RASGRP1: variants seen among roughly 807,000 people sequenced by gnomAD.
RASGRP1 encodes the protein RAS guanyl-releasing protein 1.
RASGRP1 carries 37 observed loss-of-function variants against 95.1 expected under a neutral mutation model. The observed-to-expected ratio is 0.39, with a 90% confidence interval of 0.30 to 0.51. The LOEUF (loss-of-function observed/expected upper bound fraction) is 0.51. Among genes scored for constraint, RASGRP1 ranks in the 20% least tolerant of loss-of-function variants. The pLI is 0.80. For missense variants in RASGRP1, 711 were observed against 965.4 expected, an observed-to-expected ratio of 0.74 and a Z score of 3.49; for synonymous variants, 325 against 353.4, an observed-to-expected ratio of 0.92 and a Z score of 0.90.
At chr15:38,519,228 G>T (rs930790723) in intron 4 of RASGRP1, 81 bp downstream of exon 4, 49 of 1,210,080 alleles carry the variant, frequency 4.0e-5, no homozygotes, top group Non-Finnish European at 5.6e-5. Flanking sequence ...ATAGAGGTCA[G>T]GAAAGGCAGG....
chr15:38,534,541 C>A (rs1892565025), intron 2 of RASGRP1: 1 of 152,216 alleles, frequency 6.6e-6, no homozygotes. Context: ...AATACACAAG[C>A]TTTAAATTAA....
At position 38,519,388 on chromosome 15, in the gene RASGRP1, G is replaced by A. The variant is rs1566922488; in HGVS notation, c.327-17C>T. ...TCCTTATAGGTAGGGCTGTGGTTAAGGGAAATGGAGACCTCTGTTACAGAA... is the reference window on the plus strand; with the variant it reads ...TCCTTATAGGTAGGGCTGTGGTTAAAGGAAATGGAGACCTCTGTTACAGAA... On this transcript the variant is annotated splice_polypyrimidine_tract_variant and intron_variant, in intron 3 of 16. Coordinates refer to ENST00000310803, the MANE Select transcript of RASGRP1 (RefSeq NM_005739.4). 1.3e-6 allele frequency: 2 copies of A among 1,493,072 alleles called. No individual in the cohort carries two copies. Among genetic ancestry groups the A allele is most frequent in the Admixed American group, 1.8e-5 (1 of 56,652 alleles). 92.5% of individuals were successfully genotyped at this position (1,493,072 alleles called of 1,614,324 possible).
At chr15:38,533,123 A>G (rs1288850632) in intron 2 of RASGRP1, among the ~76,000 whole-genome samples, 1 of 152,196 alleles carries the variant, frequency 6.6e-6, no homozygotes, top group Non-Finnish European at 1.5e-5. Context: ...GTGTGAAGGT[A>G]TTTTGAGTGT....
At chr15:38,552,272 G>C (rs2141186332) in intron 2 of RASGRP1, among the ~76,000 whole-genome samples, 1 of 152,238 alleles carries the variant, frequency 6.6e-6, no homozygotes, top group African/African-American at 2.4e-5. Flanking sequence ...AAGATACATA[G>C]ATGAAAGCAA....
chr15:38,507,822 C>A lies in RASGRP1; in HGVS notation c.1146G>T (p.Lys382Asn). The A allele has an allele frequency of 6.2e-7, 1 of 1,613,236 alleles. No homozygotes were observed. The highest frequency in any genetic ancestry group is 8.5e-7 in the Non-Finnish European group (1 of 1,179,716). The change falls in exon 9 of 17, where the codon AAG (lysine) becomes AAT (asparagine). Residue 382 changes from lysine (K) to asparagine (N), a missense_variant. By Grantham distance (94) the Lys-to-Asn change is moderately conservative (BLOSUM62 0). Transcript: ENST00000310803. ...YLEDGKVNVH[K>N]LLALYNHISE... Reference sequence around the variant, plus strand: ...TGATATGATTGTATAGGGCCAGTAGCTTATGGACGTTCACTTTCCCGTCCT... The same window carrying A: ...TGATATGATTGTATAGGGCCAGTAGATTATGGACGTTCACTTTCCCGTCCT...
At chr15:38,497,770 T>G (rs1159733451) in intron 15 of RASGRP1, among the ~76,000 whole-genome samples, 1 of 152,224 alleles carries the variant, frequency 6.6e-6, no homozygotes, top group Non-Finnish European at 1.5e-5. Context: ...ATACTCAAAG[T>G]CATTTCCTTA....
chr15:38,539,887 C>G (rs1892799535), intron 2 of RASGRP1, among the ~76,000 whole-genome samples: 2 of 152,112 alleles, frequency 1.3e-5, no homozygotes, highest in African/African-American at 2.4e-5. Context: ...CATGTCCCTA[C>G]AAAGGACATG....
intron 3 of RASGRP1, among the ~76,000 whole-genome samples, chr15:38,521,526 G>A (rs569791193): frequency 3.3e-5 from 5 of 152,280 alleles, no homozygotes; most frequent in African/African-American, 1.2e-4. Flanking sequence ...GAGCCCCTAT[G>A]CCATGGCAAA....
chr15:38,497,280 C>T (rs1247965534), intron 15 of RASGRP1, among the ~76,000 whole-genome samples: 1 of 152,150 alleles, frequency 6.6e-6, no homozygotes, highest in African/African-American at 2.4e-5. Flanking sequence ...CTTCATGTTA[C>T]CCTTTTTTAA....
At chr15:38,549,915 T>C (rs1893261269) in intron 2 of RASGRP1, among the ~76,000 whole-genome samples, 1 of 152,128 alleles carries the variant, frequency 6.6e-6, no homozygotes, top group Non-Finnish European at 1.5e-5. Flanking sequence ...TACCAAATCT[T>C]TGTGCTTCTG....
chr15:38,500,532 G>C (rs1386451499), intron 13 of RASGRP1, among the ~76,000 whole-genome samples: 1 of 151,884 alleles, frequency 6.6e-6, no homozygotes, highest in Admixed American at 6.6e-5. Context: ...TTTTAGTAGA[G>C]ACGGGTTTTC....
At chr15:38,511,806 C>T (rs947251038) in intron 7 of RASGRP1, 86 bp from the exon 8 acceptor site, 22 of 950,468 alleles carry the variant, frequency 2.3e-5, no homozygotes, top group Middle Eastern at 2.3e-4. Flanking sequence ...GTCTCTGTGC[C>T]GTGAGTCTCC....
At chr15:38,548,298 C>A (rs562705577) in intron 2 of RASGRP1, among the ~76,000 whole-genome samples, 1 of 152,178 alleles carries the variant, frequency 6.6e-6, no homozygotes, top group African/African-American at 2.4e-5. Flanking sequence ...TGCAGTGGCT[C>A]ATGCCTGTAA....
intron 5 of RASGRP1, among the ~76,000 whole-genome samples, chr15:38,517,465 C>T (rs554537613): frequency 1.3e-5 from 2 of 152,246 alleles, no homozygotes; most frequent in South Asian, 2.1e-4. Context: ...ATTTGGGGCT[C>T]TGGAATGTAA....
intron 2 of RASGRP1, among the ~76,000 whole-genome samples, chr15:38,526,673 G>C (rs914098492): frequency 6.6e-6 from 1 of 152,148 alleles, no homozygotes; most frequent in African/African-American, 2.4e-5. Flanking sequence ...CAGCACACTT[G>C]AGTCTCACTG....
intron 14 of RASGRP1, among the ~76,000 whole-genome samples, 189 bp downstream of exon 14, chr15:38,499,914 T>A (rs541846773): frequency 6.6e-6 from 1 of 152,286 alleles, no homozygotes; most frequent in African/African-American, 2.4e-5. Flanking sequence ...CCTGCCAGCA[T>A]GTGAAGAAGG....
chr15:38,532,379 G>T (rs1325234714), intron 2 of RASGRP1, among the ~76,000 whole-genome samples: 1 of 152,208 alleles, frequency 6.6e-6, no homozygotes, highest in Non-Finnish European at 1.5e-5. Context: ...GGGGAGTAAT[G>T]TAAGCTGCTA....
chr15:38,515,906 A>T (rs111560626), intron 6 of RASGRP1, among the ~76,000 whole-genome samples: 5 of 123,344 alleles, frequency 4.1e-5, no homozygotes, highest in Non-Finnish European at 7.6e-5. Flanking sequence ...AGAGAGAGAG[A>T]GAGAGTGTGT....
chr15:38,557,634 T>C (rs1204197026), intron 2 of RASGRP1, among the ~76,000 whole-genome samples: 1 of 151,108 alleles, frequency 6.6e-6, no homozygotes. Flanking sequence ...TGTGTGTATA[T>C]ATATATATAT....
Sources: allele counts gnomAD v4.1 joint callset (sites outside exome capture counted in the v4.1 genomes callset), GRCh38; gene constraint gnomAD v4.1.1; transcripts MANE v1.5; gene names NCBI Gene and HGNC (gene_info 2026-07-23, HGNC 2026-07-21).